Variants in DDX17 observed in about 807,000 individuals in gnomAD.
The protein encoded by DDX17 is probable ATP-dependent RNA helicase DDX17.
DDX17 carries 10 observed loss-of-function variants against 80.8 expected under a neutral mutation model. That is an observed-to-expected ratio of 0.12 (90% confidence interval 0.08 to 0.21). The LOEUF (loss-of-function observed/expected upper bound fraction) is 0.21, where lower values mean the gene tolerates loss of function less well. Among genes scored for constraint, DDX17 ranks in the 10% least tolerant of loss-of-function variants. The pLI, the probability that DDX17 is intolerant of heterozygous loss-of-function variation, is 1.00. For synonymous variants in DDX17, 339 were observed against 336.2 expected (o/e 1.01, Z -0.09); for missense variants, 586 against 957.4 (o/e 0.61, Z 5.12).
At chr22:38,498,293 G>T in intron 4 of DDX17, 143 bp from the exon 5 acceptor site, 1 of 1,387,190 alleles carries the variant, frequency 7.2e-7, no homozygotes, top group Non-Finnish European at 9.8e-7. Context: ...ATACAAATTT[G>T]AACATAAAAT....
At chr22:38,500,337 G>A (rs1458248971) in intron 2 of DDX17, among the ~76,000 whole-genome samples, 1 of 151,720 alleles carries the variant, frequency 6.6e-6, no homozygotes, top group African/African-American at 2.4e-5. Context: ...GAGTATTAGG[G>A]GTCTTAGATA....
In DDX17 at chr22:38,493,669, G is replaced by T. The variant is rs775831868; in HGVS notation, c.1387+41C>A. 2.2e-5 allele frequency: 32 copies of T among 1,463,072 alleles called. No individual in the cohort carries two copies. In the East Asian group the frequency reaches 5.4e-4, roughly 25 times the overall value. The allele number at this position is 1,463,072 out of a possible 1,614,324, so 90.6% of individuals were successfully genotyped here. ...AGCATGAACATTCACTTATGGGCAG[G>T]GGGTGGGGAATCAACAGAAAATGCT... On this transcript the variant is annotated intron_variant, in intron 10 of 12. Transcript: ENST00000403230.
chr22:38,501,611 G>A (rs1390801466), intron 1 of DDX17, among the ~76,000 whole-genome samples: 1 of 152,212 alleles, frequency 6.6e-6, no homozygotes, highest in African/African-American at 2.4e-5. Flanking sequence ...ATAATTTGAA[G>A]AGAATTATTT....
chr22:38,485,824 A>AG lies in DDX17; in HGVS notation c.*110_*111insC, dbSNP rs2089651022. ...ATGGTTGGGGGGAAAAATTAAAAAAAAAAAAAGAAAAAAGGAAAAAAAAAG... is the reference window on the plus strand; with the variant it reads ...ATGGTTGGGGGGAAAAATTAAAAAAAGAAAAAAGAAAAAAGGAAAAAAAAAG... On this transcript the variant is annotated 3_prime_UTR_variant, in exon 13 of 13. Coordinates refer to ENST00000403230, the MANE Select transcript of DDX17 (RefSeq NM_006386.5). 7 of 1,393,958 alleles carry AG rather than the reference A, an allele frequency of 5.0e-6. No homozygotes were observed. Among genetic ancestry groups the AG allele is most frequent in the South Asian group, 1.6e-5 (1 of 61,272 alleles). The allele number at this position is 1,393,958 out of a possible 1,614,324, so 86.3% of individuals were successfully genotyped here. A position where few individuals can be genotyped will look rare whatever the true frequency, so the allele number is the denominator to read the frequency against.
At chr22:38,504,846 A>G (rs76437589) in intron 1 of DDX17, among the ~76,000 whole-genome samples, 2,309 of 152,292 alleles carry the variant, frequency 0.015, 16 homozygotes, top group Non-Finnish European at 0.023. Context: ...CAGGCTCACA[A>G]AAGGTAGGAT....
At chr22:38,501,416 G>T in intron 1 of DDX17, 136 bp from the exon 2 acceptor site, 3 of 1,073,686 alleles carry the variant, frequency 2.8e-6, no homozygotes, top group Non-Finnish European at 3.8e-6. Flanking sequence ...TATTTGCTGT[G>T]ATTTAAAGGT....
At chr22:38,501,324 A>G in intron 1 of DDX17, 44 bp from the exon 2 acceptor site, 1 of 1,588,014 alleles carries the variant, frequency 6.3e-7, no homozygotes, top group Non-Finnish European at 8.6e-7. Flanking sequence ...TTTTTAAAGC[A>G]ACGTATCGTA....
At position 38,484,820 on chromosome 22, in the gene DDX17, C is replaced by T. The variant is rs1257502306; in HGVS notation, c.*1115G>A. 5.9e-5 allele frequency: 9 copies of T among 152,054 alleles called. No homozygotes were observed. The highest frequency in any genetic ancestry group is 2.2e-4 in the African/African-American group (9 of 41,388). 9.4% of individuals were successfully genotyped at this position (152,054 alleles called of 1,614,324 possible). On this transcript the variant is annotated 3_prime_UTR_variant, in exon 13 of 13. Transcript: ENST00000403230. ...AAAGGATGCCGAAGAAAATCTGCACCCAGAAGCTGTTAGAAAGCACTGCAG... is the reference window on the plus strand; with the variant it reads ...AAAGGATGCCGAAGAAAATCTGCACTCAGAAGCTGTTAGAAAGCACTGCAG...
chr22:38,495,061 C>G lies in DDX17; in HGVS notation c.881-15G>C, dbSNP rs1198742920. On this transcript the variant is annotated splice_polypyrimidine_tract_variant and intron_variant, in intron 6 of 12. Coordinates refer to ENST00000403230, the MANE Select transcript of DDX17 (RefSeq NM_006386.5). Reference sequence around the variant, plus strand: ...GATCTCAACACCTGTAAAACAAAACCAATGATCGAGCCAATCGACTAGGTG... The same window carrying G: ...GATCTCAACACCTGTAAAACAAAACGAATGATCGAGCCAATCGACTAGGTG... 1 of 1,608,680 alleles carries G rather than the reference C, an allele frequency of 6.2e-7. No homozygotes were observed. Among genetic ancestry groups the G allele is most frequent in the Non-Finnish European group, 8.5e-7 (1 of 1,177,928 alleles).
intron 9 of DDX17, 66 bp from the exon 10 acceptor site, chr22:38,493,837 C>T (rs2089735891): frequency 2.0e-6 from 3 of 1,506,240 alleles, no homozygotes; most frequent in South Asian, 1.1e-5. Context: ...AACTTTAAAG[C>T]CAAATGCTAT....
intron 12 of DDX17, among the ~76,000 whole-genome samples, chr22:38,487,080 A>G (rs924027101): frequency 6.6e-6 from 1 of 152,174 alleles, no homozygotes; most frequent in Non-Finnish European, 1.5e-5. Context: ...AAGCAGGAGA[A>G]TCACTTGAAC....
At chr22:38,505,769 C>T (rs2089875377) in intron 1 of DDX17, 182 bp downstream of exon 1, 1 of 745,650 alleles carries the variant, frequency 1.3e-6, no homozygotes, top group East Asian at 3.2e-5. Flanking sequence ...GGCCGCCCTC[C>T]TCGGGTCCCG....
In DDX17 at chr22:38,488,717, C is replaced by T. The variant is rs570473923; in HGVS notation, c.1448-602G>A. 29 of 987,302 alleles carry T rather than the reference C, an allele frequency of 2.9e-5. No individual in the cohort carries two copies. The African/African-American group carries it at 4.4e-4, about 15-fold the overall frequency. The allele number at this position is 987,302 out of a possible 1,614,324, so 61.2% of individuals were successfully genotyped here. ...TTTAAGAAACTGAGTAGAGCCAAAGCTGTTAAGTACACACCTATTTTCCTT... is the reference window on the plus strand; with the variant it reads ...TTTAAGAAACTGAGTAGAGCCAAAGTTGTTAAGTACACACCTATTTTCCTT... On this transcript the variant is annotated intron_variant, in intron 11 of 12. Transcript: ENST00000403230.
chr22:38,501,008 A>C (rs1429864157), intron 2 of DDX17, 122 bp downstream of exon 2: 56 of 1,310,886 alleles, frequency 4.3e-5, no homozygotes, highest in Non-Finnish European at 5.4e-5. Context: ...AAAATTTTTT[A>C]AGAAAAATAT....
intron 6 of DDX17, 151 bp from the exon 7 acceptor site, chr22:38,495,197 A>C (rs1225647376): frequency 4.3e-6 from 3 of 689,926 alleles, no homozygotes; most frequent in African/African-American, 3.6e-5. Flanking sequence ...CTCTACAAAA[A>C]TGCAGCAGCA....
chr22:38,505,530 G>A (rs77668704), intron 1 of DDX17: 4,265 of 175,086 alleles, frequency 0.024, 200 homozygotes, highest in African/African-American at 0.095. Flanking sequence ...CTGGGCTGAA[G>A]TGTTCTCTCA....
In DDX17 at chr22:38,485,833, A is replaced by C. The variant is rs1228518013; in HGVS notation, c.*102T>G. ...GGGAAAAATTAAAAAAAAAAAAAGA[A>C]AAAAGGAAAAAAAAAGAAAAGGCGA... On this transcript the variant is annotated 3_prime_UTR_variant, in exon 13 of 13. Transcript: ENST00000403230. 1 of 1,401,082 alleles carries C rather than the reference A, an allele frequency of 7.1e-7. No individual in the cohort carries two copies. Among genetic ancestry groups the C allele is most frequent in the South Asian group, 1.6e-5 (1 of 62,158 alleles). 86.8% of individuals were successfully genotyped at this position (1,401,082 alleles called of 1,614,324 possible).
chr22:38,487,842 T>G, intron 12 of DDX17, 37 bp downstream of exon 12: 1 of 1,612,138 alleles, frequency 6.2e-7, no homozygotes, highest in South Asian at 1.1e-5. Context: ...AAGAGATACC[T>G]TGGCAGTACC....
At position 38,503,335 on chromosome 22, in the gene DDX17, T is replaced by C. The variant is rs568392188; in HGVS notation, c.288-2055A>G. 1.2e-4 allele frequency among the ~76,000 whole-genome samples: 18 copies of C among 152,336 alleles called. No homozygotes were observed. In the South Asian group the frequency reaches 2.9e-3, roughly 25 times the overall value. On this transcript the variant is annotated intron_variant, in intron 1 of 12. Coordinates refer to ENST00000403230, the MANE Select transcript of DDX17 (RefSeq NM_006386.5). ...CTTCATTGTTATTGCCACATTGCAATGCTACCCAAACCTTAGTGACTTAGG... is the reference window on the plus strand; with the variant it reads ...CTTCATTGTTATTGCCACATTGCAACGCTACCCAAACCTTAGTGACTTAGG...
Sources: allele counts gnomAD v4.1 joint callset (sites outside exome capture counted in the v4.1 genomes callset), GRCh38; gene constraint gnomAD v4.1.1; transcripts MANE v1.5; gene names NCBI Gene and HGNC (gene_info 2026-07-23, HGNC 2026-07-21).